CTC1: variants seen among roughly 807,000 people sequenced by gnomAD.
CTC1 encodes the protein CST complex subunit CTC1.
A neutral mutation model predicts 136.3 loss-of-function variants in CTC1; 91 were observed. That is an observed-to-expected ratio of 0.67 (90% CI 0.56 to 0.79). The LOEUF (loss-of-function observed/expected upper bound fraction) is 0.79, where lower values mean the gene tolerates loss of function less well. Ranked by LOEUF, CTC1 falls within the 30% of genes least tolerant of loss-of-function variation. CTC1 has a pLI of 0.00. For synonymous variants in CTC1, 606 were observed against 613.8 expected (o/e 0.99, Z 0.19); for missense variants, 1,432 against 1,498.1 (o/e 0.96, Z 0.73).
chr17:8,231,012 A>AC (rs1056022015), intron 15 of CTC1: 3 of 497,098 alleles, frequency 6.0e-6, no homozygotes, highest in Non-Finnish European at 7.1e-6. Flanking sequence ...GGTGGCGTGC[A>AC]CCCCTATAAT....
intron 1 of CTC1, 98 bp downstream of exon 1, chr17:8,247,906 C>T (rs775190974): frequency 1.1e-4 from 144 of 1,319,522 alleles, no homozygotes; most frequent in Non-Finnish European, 1.4e-4. Flanking sequence ...CGGACGCGGC[C>T]AGCGAGCCCA....
chr17:8,240,017 A>G lies in CTC1; in HGVS notation c.198-1388T>C, dbSNP rs182361429. Among the ~76,000 whole-genome samples the G allele has an allele frequency of 2.2e-3, 330 of 152,200 alleles. 2 individuals carry two copies. The highest frequency in any genetic ancestry group is 1.6e-4 in the Non-Finnish European group (11 of 68,002). On this transcript the variant is annotated intron_variant, in intron 2 of 22. Coordinates refer to ENST00000651323, the MANE Select transcript of CTC1 (RefSeq NM_025099.6). ...CCTCAAAACCCTGTAAACACCACCA[A>G]TGGGGAAACTCAGAGGCTCAGGTAC...
At chr17:8,242,554 ATATATAT>A (rs1165082650) in intron 2 of CTC1, among the ~76,000 whole-genome samples, 9 of 53,362 alleles carry the variant, frequency 1.7e-4, no homozygotes, top group African/African-American at 5.2e-4. Context: ...AAAAAAAAAA[ATATATAT>A]ATATATATAT....
chr17:8,232,188 C>T lies in CTC1; in HGVS notation c.2100G>A (p.Leu700=), dbSNP rs748993499. The T allele has an allele frequency of 6.5e-7, 1 of 1,527,520 alleles. No homozygotes were observed. The highest frequency in any genetic ancestry group is 8.8e-7 in the Non-Finnish European group (1 of 1,141,242). 94.6% of individuals were successfully genotyped at this position (1,527,520 alleles called of 1,614,324 possible). A position where few individuals can be genotyped will look rare whatever the true frequency, so the allele number is the denominator to read the frequency against. The part of the protein sequence containing the change: ...VQFFLADALI[L]PVPRPCLHSA... ...AATGAAGGCAGGGTCTGGGCACAGG[C>T]AGGATCAGGGCATCAGCCAGAAAGA... The change falls in exon 13 of 23, where the codon CTG becomes CTA. Residue 700 remains leucine (L), a synonymous_variant. Transcript: ENST00000651323.
chr17:8,234,366 A>T, intron 10 of CTC1, 89 bp downstream of exon 10: 1 of 1,287,070 alleles, frequency 7.8e-7, no homozygotes, highest in South Asian at 1.3e-5. Context: ...AGTCAAAATG[A>T]CGAAGAAAGA....
chr17:8,237,247 T>C, intron 5 of CTC1, 128 bp downstream of exon 5: 1 of 1,012,840 alleles, frequency 9.9e-7, no homozygotes, highest in East Asian at 2.5e-5. Flanking sequence ...CCAACAGCGC[T>C]ATTCCAGAAA....
chr17:8,247,852 A>G, intron 1 of CTC1, 152 bp downstream of exon 1: 3 of 702,074 alleles, frequency 4.3e-6, no homozygotes, highest in Non-Finnish European at 7.5e-6. Flanking sequence ...CAGAACCAGT[A>G]AGAGGTAGGA....
At chr17:8,245,262 A>G (rs912570728) in intron 1 of CTC1, among the ~76,000 whole-genome samples, 1 of 152,186 alleles carries the variant, frequency 6.6e-6, no homozygotes, top group Non-Finnish European at 1.5e-5. Context: ...CCTACATAAT[A>G]AACCTGCGCA....
At chr17:8,237,698 A>G (rs1987860047) in intron 4 of CTC1, among the ~76,000 whole-genome samples, 179 bp from the exon 5 acceptor site, 1 of 141,356 alleles carries the variant, frequency 7.1e-6, no homozygotes, top group Non-Finnish European at 1.5e-5. Flanking sequence ...AAAAAAAAAA[A>G]AAAAGCAGCA....
In CTC1 at chr17:8,235,779, G is replaced by C. The variant is rs369403876; in HGVS notation, c.1206+52C>G. ...TGCTGCAGAAAAGGAGCCTATGAAG[G>C]TAAGAGAAGCTGCAGAGGTCTCTTT... On this transcript the variant is annotated intron_variant, in intron 7 of 22. Coordinates refer to ENST00000651323, the MANE Select transcript of CTC1 (RefSeq NM_025099.6). The C allele has an allele frequency of 3.1e-4, 477 of 1,532,714 alleles. 4 individuals carry two copies. In the African/African-American group the frequency reaches 6.0e-3, roughly 19 times the overall value. The allele number at this position is 1,532,714 out of a possible 1,614,324, so 94.9% of individuals were successfully genotyped here.
intron 20 of CTC1, 109 bp from the exon 21 acceptor site, chr17:8,229,001 TAGG>T (rs1986975160): frequency 6.7e-7 from 1 of 1,481,534 alleles, no homozygotes; most frequent in African/African-American, 1.4e-5. Flanking sequence ...CTCACAGATT[TAGG>T]AGCTTACCCT....
At chr17:8,241,373 C>G (rs1224442971) in intron 2 of CTC1, among the ~76,000 whole-genome samples, 1 of 151,944 alleles carries the variant, frequency 6.6e-6, no homozygotes, top group African/African-American at 2.4e-5. Flanking sequence ...GTAATCCCAG[C>G]ACTCTGGAAG....
In CTC1 at chr17:8,231,284, G is replaced by A; in HGVS notation, c.2661C>T (p.Leu887=). Residue 887 remains leucine (L), a synonymous_variant, in exon 15 of 23, where the codon CTC becomes CTT. Coordinates refer to ENST00000651323, the MANE Select transcript of CTC1 (RefSeq NM_025099.6). ...SLPESSLTDL[L]SDNFTDSLVS... ...GCTTGGTGGACATTTACTTGTCACT[G>A]AGCAGGTCGGTCAGTGAGGATTCAG... 1.9e-6 allele frequency: 3 copies of A among 1,564,796 alleles called. No homozygotes were observed. Among genetic ancestry groups the A allele is most frequent in the South Asian group, 1.2e-5 (1 of 85,684 alleles).
intron 1 of CTC1, 188 bp downstream of exon 1, chr17:8,247,816 C>T (rs1339641051): frequency 4.8e-6 from 3 of 621,116 alleles, no homozygotes; most frequent in Non-Finnish European, 8.8e-6. Context: ...CAGCGGGCGC[C>T]GCGTGAATGA....
chr17:8,242,531 GAGAA>G (rs1425069836), intron 2 of CTC1, among the ~76,000 whole-genome samples: 17 of 79,726 alleles, frequency 2.1e-4, no homozygotes, highest in East Asian at 6.5e-4. Flanking sequence ...ATAGTGTAGA[GAGAA>G]AAAAAAAAAA....
chr17:8,242,559 TATATATATATATATATATATACAC>T (rs1567620519), intron 2 of CTC1, among the ~76,000 whole-genome samples: 12 of 90,458 alleles, frequency 1.3e-4, no homozygotes, highest in Non-Finnish European at 2.7e-4. Context: ...AAAAAATATA[TATATATATATATATATATATACAC>T]ATATATATAT....
intron 4 of CTC1, 93 bp from the exon 5 acceptor site, chr17:8,237,612 C>A: frequency 1.1e-6 from 1 of 886,340 alleles, no homozygotes; most frequent in Non-Finnish European, 1.6e-6. Flanking sequence ...TTGCAGTAAG[C>A]TGAGATCCCG....
intron 5 of CTC1, among the ~76,000 whole-genome samples, 179 bp from the exon 6 acceptor site, chr17:8,236,521 T>C (rs1163784433): frequency 6.6e-6 from 1 of 152,162 alleles, no homozygotes; most frequent in East Asian, 1.9e-4. Context: ...TCACAGGAGA[T>C]GCCAAATATT....
In CTC1 at chr17:8,236,099, G is replaced by C. The variant is rs2151522938; in HGVS notation, c.1036C>G (p.Pro346Ala). Residue 346 changes from proline to alanine, a missense_variant, in exon 6 of 23, where the codon CCA becomes GCA. Physicochemically the swap from Pro to Ala is conservative, Grantham distance 27. Coordinates refer to ENST00000651323, the MANE Select transcript of CTC1 (RefSeq NM_025099.6). ...MPSNSEDKKDPESLVRYSRLL... is the reference protein window; with the variant it reads ...MPSNSEDKKDAESLVRYSRLL... The stretch of plus-strand genomic sequence containing the variant: ...CTAGAATACCGGACAAGACTTTCTG[G>C]ATCCTTCTTGTCCTCCGAGTTGCTG... 2.5e-6 allele frequency: 4 copies of C among 1,614,196 alleles called. No individual in the cohort carries two copies. Among genetic ancestry groups the C allele is most frequent in the Non-Finnish European group, 3.4e-6 (4 of 1,180,022 alleles).
Sources: gnomAD v4.1 joint callset for allele counts (sites outside exome capture counted in the v4.1 genomes callset) on GRCh38, gnomAD v4.1.1 for gene constraint, MANE v1.5 for transcripts, NCBI Gene and HGNC (gene_info 2026-07-23, HGNC 2026-07-21) for gene names.